PHF21B: variants seen among roughly 807,000 people sequenced by gnomAD.
PHF21B encodes the protein PHD finger protein 21B.
A neutral mutation model predicts 62.2 loss-of-function variants in PHF21B; 22 were observed. That is an observed-to-expected ratio of 0.35 (90% CI 0.25 to 0.51). The LOEUF (loss-of-function observed/expected upper bound fraction) is 0.51, where lower values mean the gene tolerates loss of function less well. PHF21B is among the 20% of genes least tolerant of loss of function. The pLI is 0.97. For missense variants in PHF21B, 701 were observed against 707.9 expected, an observed-to-expected ratio of 0.99 and a Z score of 0.11; for synonymous variants, 341 against 314.7, an observed-to-expected ratio of 1.08 and a Z score of -0.88.
chr22:45,009,592 C>T lies in PHF21B; in HGVS notation c.-43G>A. 2 of 1,520,182 alleles carry T rather than the reference C, an allele frequency of 1.3e-6. No individual in the cohort carries two copies. The highest frequency in any genetic ancestry group is 1.7e-6 in the Non-Finnish European group (2 of 1,145,806). The allele number at this position is 1,520,182 out of a possible 1,614,324, so 94.2% of individuals were successfully genotyped here. A position where few individuals can be genotyped will look rare whatever the true frequency, so the allele number is the denominator to read the frequency against. ...CACTTTGCGCTCACTTTGGCCCGGG[C>T]TCCCGGGAAGTTGCGCGGCTCCGCG... is the stretch of plus-strand genomic sequence containing the variant. On this transcript the variant is annotated 5_prime_UTR_variant, in exon 1 of 13. Coordinates refer to ENST00000313237, the MANE Select transcript of PHF21B (RefSeq NM_138415.5). This position sits in a 1 kb window ranked among gnomAD's most constrained non-coding sequence, Gnocchi z 5.9.
At chr22:44,904,152 C>A (rs182597212) in intron 5 of PHF21B, among the ~76,000 whole-genome samples, 1 of 152,314 alleles carries the variant, frequency 6.6e-6, no homozygotes, top group African/African-American at 2.4e-5. Flanking sequence ...CTAATAAAGG[C>A]TGGAGTTAAT....
At chr22:44,883,329 A>T in intron 12 of PHF21B, 25 bp from the exon 13 acceptor site, 1 of 1,608,712 alleles carries the variant, frequency 6.2e-7, no homozygotes, top group Non-Finnish European at 8.5e-7. Flanking sequence ...GTCAGGGGAA[A>T]GGGTCTCAGT....
intron 2 of PHF21B, among the ~76,000 whole-genome samples, chr22:44,943,193 A>C (rs569995158): frequency 6.6e-6 from 1 of 152,106 alleles, no homozygotes; most frequent in South Asian, 2.1e-4. Flanking sequence ...CCGCTCCCCC[A>C]AGCCTGGAGA....
chr22:44,977,942 T>C (rs1219370854), intron 2 of PHF21B, among the ~76,000 whole-genome samples: 1 of 152,162 alleles, frequency 6.6e-6, no homozygotes, highest in Non-Finnish European at 1.5e-5. Flanking sequence ...CTGCAACTTT[T>C]TGAAGAAAAC....
chr22:44,937,594 A>G (rs1402561967), intron 2 of PHF21B, among the ~76,000 whole-genome samples: 1 of 152,270 alleles, frequency 6.6e-6, no homozygotes, highest in South Asian at 2.1e-4. Context: ...TACACAAGAG[A>G]AATGAAAACC....
chr22:44,987,185 G>A (rs934773618), intron 2 of PHF21B, among the ~76,000 whole-genome samples: 1 of 152,200 alleles, frequency 6.6e-6, no homozygotes, highest in Non-Finnish European at 1.5e-5. Flanking sequence ...GGGGGCTGCT[G>A]TAATATTTCC....
chr22:44,892,028 C>A (rs1336038897), intron 7 of PHF21B, among the ~76,000 whole-genome samples: 1 of 152,190 alleles, frequency 6.6e-6, no homozygotes. Flanking sequence ...GTCACGGGGC[C>A]TTGGGTTGAC....
intron 2 of PHF21B, among the ~76,000 whole-genome samples, chr22:44,999,631 G>A (rs1319666058): frequency 6.6e-6 from 1 of 152,128 alleles, no homozygotes; most frequent in African/African-American, 2.4e-5. Flanking sequence ...GTGTGCCCCG[G>A]AGTAACAGTC....
At chr22:45,000,380 AGT>A in intron 2 of PHF21B, among the ~76,000 whole-genome samples, 1 of 152,210 alleles carries the variant, frequency 6.6e-6, no homozygotes, top group East Asian at 1.9e-4. Context: ...CAGGACCAGC[AGT>A]GTGTCTGCAG....
At chr22:44,977,713 G>T (rs897141923) in intron 2 of PHF21B, among the ~76,000 whole-genome samples, 1 of 151,944 alleles carries the variant, frequency 6.6e-6, no homozygotes, top group Non-Finnish European at 1.5e-5. Context: ...AGAGTAGCTG[G>T]GGCTACAGGT....
At chr22:44,994,821 C>G (rs928503086) in intron 2 of PHF21B, among the ~76,000 whole-genome samples, 1 of 152,248 alleles carries the variant, frequency 6.6e-6, no homozygotes, top group Non-Finnish European at 1.5e-5. Flanking sequence ...GTCCCCACTT[C>G]CGCAGTATCC....
At chr22:44,925,709 GACC>G (rs1342684772) in intron 2 of PHF21B, among the ~76,000 whole-genome samples, 5 of 152,202 alleles carry the variant, frequency 3.3e-5, no homozygotes, top group Non-Finnish European at 5.9e-5. Context: ...GCAGCACTGA[GACC>G]ACCTCAGGTG....
At chr22:44,970,175 G>T (rs2072610412) in intron 2 of PHF21B, among the ~76,000 whole-genome samples, 1 of 152,242 alleles carries the variant, frequency 6.6e-6, no homozygotes, top group South Asian at 2.1e-4. Flanking sequence ...AGGCCAGTAA[G>T]CTTTCCACTA....
chr22:44,888,059 G>C lies in PHF21B; in HGVS notation c.1101C>G (p.Cys367Trp). The change falls in exon 10 of 13, where the codon TGC (cysteine) becomes TGG (tryptophan). Residue 367 changes from cysteine to tryptophan, a missense_variant. By Grantham distance (215) the Cys-to-Trp change is radical (BLOSUM62 -2). Coordinates refer to ENST00000313237, the MANE Select transcript of PHF21B (RefSeq NM_138415.5). ...GGTGGTAGGCCCCCGGGCAGGTGCC[G>C]CAGGGCTGCAGGTTGGCCCCTCGCT... is the stretch of plus-strand genomic sequence containing the variant. ...ACKRGANLQP[C>W]GTCPGAYHLS... is the part of the protein sequence containing the mutation. The C allele has an allele frequency of 6.5e-7, 1 of 1,549,920 alleles. No homozygotes were observed. Among genetic ancestry groups the C allele is most frequent in the Non-Finnish European group, 8.7e-7 (1 of 1,147,382 alleles).
At chr22:44,918,153 TG>T (rs2071472247) in intron 3 of PHF21B, among the ~76,000 whole-genome samples, 1 of 152,228 alleles carries the variant, frequency 6.6e-6, no homozygotes, top group South Asian at 2.1e-4. Flanking sequence ...GGCCCTCAGC[TG>T]GAGAAAGTTA....
intron 2 of PHF21B, among the ~76,000 whole-genome samples, chr22:45,007,361 C>T (rs1400706171): frequency 6.6e-6 from 1 of 151,662 alleles, no homozygotes; most frequent in Non-Finnish European, 1.5e-5. Context: ...CACGTCTCTC[C>T]CCTACGCCAG....
intron 2 of PHF21B, among the ~76,000 whole-genome samples, chr22:44,940,808 C>T (rs1359709264): frequency 6.6e-6 from 1 of 152,124 alleles, no homozygotes; most frequent in Non-Finnish European, 1.5e-5. Context: ...AAACTCTTGG[C>T]CCATGTGGGC....
chr22:44,904,583 T>A (rs566362592), intron 5 of PHF21B, among the ~76,000 whole-genome samples: 1 of 95,224 alleles, frequency 1.1e-5, no homozygotes, highest in African/African-American at 4.0e-5. Context: ...CAACAAGAAT[T>A]TTTTTCTTCA....
intron 2 of PHF21B, among the ~76,000 whole-genome samples, chr22:44,947,178 G>A (rs973981384): frequency 2.6e-5 from 4 of 152,188 alleles, no homozygotes; most frequent in Admixed American, 6.5e-5. Flanking sequence ...CCAGTCCCCA[G>A]GCAAGATCCC....
Sources: allele counts gnomAD v4.1 joint callset (sites outside exome capture counted in the v4.1 genomes callset), GRCh38; gene constraint gnomAD v4.1.1; non-coding constraint Gnocchi (gnomAD v3.1); transcripts MANE v1.5; gene names NCBI Gene and HGNC (gene_info 2026-07-23, HGNC 2026-07-21).